The following SLC12A2 variants were observed in gnomAD, a reference collection of about 807,000 sequenced individuals.
SLC12A2 encodes the protein Na-K-2Cl cotransporter 1.
A neutral mutation model predicts 136.3 loss-of-function variants in SLC12A2; 67 were observed. The ratio of observed to expected loss-of-function variants is 0.49; its 90% CI spans 0.40 to 0.60. The LOEUF (loss-of-function observed/expected upper bound fraction) is 0.60, where lower values mean the gene tolerates loss of function less well. Ranked by LOEUF, SLC12A2 falls within the 20% of genes least tolerant of loss-of-function variation. SLC12A2 has a pLI of 0.00. For synonymous variants in SLC12A2, 619 were observed against 562.9 expected (o/e 1.10, Z -1.41); for missense variants, 1,322 against 1,534.7 (o/e 0.86, Z 2.32).
At chr5:128,105,616 A>G (rs914434403) in intron 1 of SLC12A2, among the ~76,000 whole-genome samples, 1 of 152,226 alleles carries the variant, frequency 6.6e-6, no homozygotes, top group African/African-American at 2.4e-5. Context: ...GTCAGAGTGC[A>G]GTAAAAAGTT....
intron 5 of SLC12A2, among the ~76,000 whole-genome samples, chr5:128,133,524 G>A (rs573490940): frequency 3.3e-5 from 5 of 151,940 alleles, no homozygotes; most frequent in Non-Finnish European, 7.4e-5. Flanking sequence ...GAATATAGTC[G>A]TCCTGAGTTA....
chr5:128,181,026 C>A, intron 23 of SLC12A2, 32 bp downstream of exon 23: 1 of 1,176,474 alleles, frequency 8.5e-7, no homozygotes, highest in Non-Finnish European at 1.3e-6. Flanking sequence ...GGGCATGAAT[C>A]TATTAGCACT....
At position 128,186,558 on chromosome 5, in the gene SLC12A2, C is replaced by T. The variant is rs768256710; in HGVS notation, c.3566C>T (p.Ala1189Val). The T allele has an allele frequency of 1.9e-6, 3 of 1,613,116 alleles. No homozygotes were observed. The highest frequency in any genetic ancestry group is 2.7e-5 in the African/African-American group (2 of 74,598). Residue 1189 changes from alanine (A) to valine (V), a missense_variant, in exon 27 of 27, where the codon GCT becomes GTT. Physicochemically the swap from Ala to Val is moderately conservative, Grantham distance 64 (BLOSUM62 0). Around this residue, in one of 8 missense-constraint regions of SLC12A2, gnomAD observed 172 missense variants for 227.4 expected, o/e 0.76. Coordinates refer to ENST00000262461, the MANE Select transcript of SLC12A2 (RefSeq NM_001046.3). ...GCTCTCTACATGGCATGGTTAGAAGCTCTATCTAAGGACCTACCACCAATC... is the reference window on the plus strand; with the variant it reads ...GCTCTCTACATGGCATGGTTAGAAGTTCTATCTAAGGACCTACCACCAATC... The part of the protein sequence containing the change: ...SSALYMAWLE[A>V]LSKDLPPILL...
intron 1 of SLC12A2, chr5:128,109,737 G>C (rs1761076900): frequency 8.9e-7 from 1 of 1,129,058 alleles, no homozygotes; most frequent in Non-Finnish European, 1.3e-6. Context: ...ACTAGAGTTG[G>C]AGTCCAGGTT....
intron 15 of SLC12A2, among the ~76,000 whole-genome samples, chr5:128,156,825 A>G (rs1762885179): frequency 6.6e-6 from 1 of 152,276 alleles, no homozygotes; most frequent in African/African-American, 2.4e-5. Flanking sequence ...GGAAGAATGT[A>G]TGGAGGCAGC....
intron 19 of SLC12A2, among the ~76,000 whole-genome samples, chr5:128,172,323 A>G (rs1465542972): frequency 6.6e-6 from 1 of 152,158 alleles, no homozygotes; most frequent in Non-Finnish European, 1.5e-5. Context: ...CTAAGGTACT[A>G]TATCCAAGCC....
In SLC12A2 at chr5:128,184,402, A is replaced by G; in HGVS notation, c.3336A>G (p.Arg1112=). ...IAFEEIIEPY[R]LHEDDKEQDI... is the part of the protein sequence containing the mutation. ...TTGAGGAAATCATTGAGCCATACAG[A>G]CTTCATGAAGATGATAAAGAGCAAG... is the stretch of plus-strand genomic sequence containing the variant. Residue 1112 remains arginine (R), a synonymous_variant, in exon 25 of 27, where the codon AGA becomes AGG. Transcript: ENST00000262461. 6.3e-7 allele frequency: 1 copy of G among 1,592,420 alleles called. No homozygotes were observed. The highest frequency in any genetic ancestry group is 8.6e-7 in the Non-Finnish European group (1 of 1,166,964).
chr5:128,116,791 A>T (rs1325947828), intron 4 of SLC12A2, among the ~76,000 whole-genome samples: 3 of 152,216 alleles, frequency 2.0e-5, no homozygotes, highest in African/African-American at 7.2e-5. Flanking sequence ...TAGAATATGT[A>T]TGAGCTGCAT....
chr5:128,154,545 C>A (rs1762813871), intron 15 of SLC12A2, among the ~76,000 whole-genome samples: 1 of 152,120 alleles, frequency 6.6e-6, no homozygotes, highest in Non-Finnish European at 1.5e-5. Context: ...CTCCTCATAT[C>A]CCTCTTTCTC....
chr5:128,120,834 A>G (rs896440060), intron 4 of SLC12A2, among the ~76,000 whole-genome samples: 11 of 152,128 alleles, frequency 7.2e-5, no homozygotes, highest in African/African-American at 2.7e-4. Context: ...CATTGTGCAC[A>G]TGTACCCTAA....
intron 6 of SLC12A2, among the ~76,000 whole-genome samples, chr5:128,134,894 T>C (rs1263073967): frequency 6.6e-6 from 1 of 152,126 alleles, no homozygotes. Context: ...GTGCTATATA[T>C]GATATGATAA....
chr5:128,140,715 T>A (rs973279938), intron 9 of SLC12A2, among the ~76,000 whole-genome samples: 1 of 151,996 alleles, frequency 6.6e-6, no homozygotes, highest in South Asian at 2.1e-4. Flanking sequence ...CCCAAAAAAT[T>A]TCAGGCATAG....
At chr5:128,111,783 T>C (rs923336506) in intron 1 of SLC12A2, among the ~76,000 whole-genome samples, 2 of 141,862 alleles carry the variant, frequency 1.4e-5, no homozygotes, top group Non-Finnish European at 3.0e-5. Flanking sequence ...AAAAAAAAAG[T>C]GTACGCATAT....
intron 1 of SLC12A2, among the ~76,000 whole-genome samples, chr5:128,105,726 C>G (rs1200699479): frequency 6.6e-6 from 1 of 152,158 alleles, no homozygotes. Flanking sequence ...ATCCTTTTCT[C>G]TACATCCTGC....
At chr5:128,115,635 T>A (rs1761318326) in intron 4 of SLC12A2, among the ~76,000 whole-genome samples, 1 of 152,160 alleles carries the variant, frequency 6.6e-6, no homozygotes, top group South Asian at 2.1e-4. Flanking sequence ...AGTGAGAAGA[T>A]CCCTGGAGAA....
intron 1 of SLC12A2, among the ~76,000 whole-genome samples, chr5:128,085,171 G>A (rs996339054): frequency 2.6e-5 from 4 of 152,124 alleles, no homozygotes; most frequent in African/African-American, 9.6e-5. Flanking sequence ...GAATGTTGCT[G>A]TTTGAAGGAA....
At chr5:128,159,825 C>T (rs1023469529) in intron 16 of SLC12A2, among the ~76,000 whole-genome samples, 5 of 152,080 alleles carry the variant, frequency 3.3e-5, no homozygotes, top group African/African-American at 9.7e-5. Context: ...TGGAAGACAG[C>T]GTGGCGATTC....
chr5:128,117,388 C>G (rs1207541887), intron 4 of SLC12A2, among the ~76,000 whole-genome samples: 2 of 152,120 alleles, frequency 1.3e-5, no homozygotes, highest in Non-Finnish European at 2.9e-5. Context: ...AAAAATCTCA[C>G]TTTTCACCTT....
Position 128,167,797 on chromosome 5 carries a change from G to A in SLC12A2, c.2653G>A (p.Val885Ile). 1 of 1,610,350 alleles carries A rather than the reference G, an allele frequency of 6.2e-7. No homozygotes were observed. The highest frequency in any genetic ancestry group is 8.5e-7 in the Non-Finnish European group (1 of 1,178,548). ...TGGTCGTATGAAGCCAAACACACTT[G>A]TCCTTGGATTTAAGAAAGATTGGTT... is the stretch of plus-strand genomic sequence containing the variant. ...GLGRMKPNTL[V>I]LGFKKDWLQA... Residue 885 changes from valine to isoleucine, a missense_variant, in exon 18 of 27, where the codon GTC becomes ATC. By Grantham distance (29) the Val-to-Ile change is conservative. Around this residue, in one of 8 missense-constraint regions of SLC12A2, gnomAD observed 226 missense variants for 210.4 expected, o/e 1.07. Transcript: ENST00000262461.
Sources: allele counts gnomAD v4.1 joint callset (sites outside exome capture counted in the v4.1 genomes callset), GRCh38; gene constraint gnomAD v4.1.1; regional missense constraint gnomAD v4.1.1; transcripts MANE v1.5; gene names NCBI Gene and HGNC (gene_info 2026-07-23, HGNC 2026-07-21).